The following ZNF541 variants were observed in gnomAD, a reference collection of about 807,000 sequenced individuals.
ZNF541 encodes zinc finger protein 541.
A neutral mutation model predicts 123.5 loss-of-function variants in ZNF541; 23 were observed. That is an observed-to-expected ratio of 0.19 (90% CI 0.13 to 0.26). The LOEUF is 0.26. ZNF541 is among the 10% of genes least tolerant of loss of function. The probability of loss-of-function intolerance (pLI) is 1.00; values close to 1 mark genes in which losing one functional copy is unlikely to be tolerated. For synonymous variants in ZNF541, 751 were observed against 754.5 expected (o/e 1.00, Z 0.08); for missense variants, 1,612 against 1,789.9 (o/e 0.90, Z 1.79).
chr19:47,532,109 G>A lies in ZNF541; in HGVS notation c.3301+19C>T. The A allele has an allele frequency of 1.9e-6, 3 of 1,550,454 alleles. No homozygotes were observed. The highest frequency in any genetic ancestry group is 2.6e-6 in the Non-Finnish European group (3 of 1,146,298). ...GGGAAGAAGGGCCCTTAGGAATTTA[G>A]CCCCAAAGCCTCAGCCACCTCTATC... On this transcript the variant is annotated intron_variant, in intron 11 of 16. Transcript: ENST00000391901.
chr19:47,530,852 T>C (rs1969534445), intron 12 of ZNF541, among the ~76,000 whole-genome samples: 1 of 151,812 alleles, frequency 6.6e-6, no homozygotes, highest in Admixed American at 6.6e-5. Flanking sequence ...GGTTTTACCA[T>C]GTTGTCCAGG....
In ZNF541 at chr19:47,550,258, A is replaced by C. The variant is rs894003612; in HGVS notation, c.308-773T>G. On this transcript the variant is annotated intron_variant, in intron 3 of 16. Coordinates refer to ENST00000391901, the MANE Select transcript of ZNF541 (RefSeq NM_001277075.3). The stretch of plus-strand genomic sequence containing the variant: ...CAGAGTGGGACTCTGTCAAAGAAAA[A>C]GAAAAAGAAAGAAAGAAAGACAGGA... Among the ~76,000 whole-genome samples, 3 of 151,802 alleles carry C rather than the reference A, an allele frequency of 2.0e-5. No individual in the cohort carries two copies. The South Asian group carries it at 6.3e-4, about 32-fold the overall frequency.
chr19:47,521,812 G>A lies in ZNF541; in HGVS notation c.3711+42C>T, dbSNP rs1481607754. On this transcript the variant is annotated intron_variant, in intron 15 of 16. Coordinates refer to ENST00000391901, the MANE Select transcript of ZNF541 (RefSeq NM_001277075.3). The surrounding 1 kb of genome is among the most constrained non-coding windows in gnomAD (Gnocchi z 4.2). ...TCCAACTCAACGGGTAGCAGGCACT[G>A]GGAGGAGAGAAGAGCTCCCGACACA... 6.5e-7 allele frequency: 1 copy of A among 1,543,692 alleles called. No homozygotes were observed. The highest frequency in any genetic ancestry group is 1.2e-5 in the South Asian group (1 of 83,556).
Position 47,555,538 on chromosome 19 carries a change from T to C in ZNF541, c.307+12A>G, listed in dbSNP as rs920334576. ...ATCCTGCAGGGCCCTTCTACCCAGG[T>C]GACAGCCTCACCTTGTAAGGATGCC... On this transcript the variant is annotated intron_variant, in intron 3 of 16. Transcript: ENST00000391901. 18 of 1,524,600 alleles carry C rather than the reference T, an allele frequency of 1.2e-5. No individual in the cohort carries two copies. In the African/African-American group the frequency reaches 2.3e-4, roughly 20 times the overall value. The allele number at this position is 1,524,600 out of a possible 1,614,324, so 94.4% of individuals were successfully genotyped here.
At chr19:47,539,621 TG>T in intron 8 of ZNF541, 83 bp downstream of exon 8, 3 of 1,327,886 alleles carry the variant, frequency 2.3e-6, no homozygotes, top group Non-Finnish European at 9.7e-7. Context: ...AGATTTTCTG[TG>T]GTATCTGGTT....
chr19:47,529,693 G>T (rs746175706), intron 12 of ZNF541, 41 bp from the exon 13 acceptor site: 1 of 1,530,756 alleles, frequency 6.5e-7, no homozygotes, highest in African/African-American at 1.4e-5. Context: ...GACCAGGTGG[G>T]GGAAGAGGAC....
chr19:47,537,788 T>A (rs915032962), intron 9 of ZNF541, among the ~76,000 whole-genome samples: 12 of 150,364 alleles, frequency 8.0e-5, no homozygotes, highest in Non-Finnish European at 1.3e-4. Flanking sequence ...GGCTGGAGGA[T>A]CTCTTGAGAC....
rs187804311 is a variant in ZNF541, at chr19:47,531,591, T to G, written c.3405+51A>C. 85 of 1,441,042 alleles carry G rather than the reference T, an allele frequency of 5.9e-5. 2 individuals are homozygous for G. In the East Asian group the frequency reaches 2.0e-3, roughly 34 times the overall value. 89.3% of individuals were successfully genotyped at this position (1,441,042 alleles called of 1,614,324 possible). On this transcript the variant is annotated intron_variant, in intron 12 of 16. Coordinates refer to ENST00000391901, the MANE Select transcript of ZNF541 (RefSeq NM_001277075.3). ...AAGCAGACAGCACGTCACATGCACC[T>G]AGAACCCTGGGCCCCAGGAAAGCAG...
At chr19:47,561,083 T>C (rs1471062498) in intron 2 of ZNF541, among the ~76,000 whole-genome samples, 2 of 152,128 alleles carry the variant, frequency 1.3e-5, no homozygotes, top group African/African-American at 4.8e-5. Flanking sequence ...AGTTGTGTGG[T>C]TTGTGGGGTG....
chr19:47,545,722 C>G lies in ZNF541; in HGVS notation c.807G>C (p.Leu269=). The G allele has an allele frequency of 6.5e-7, 1 of 1,546,236 alleles. No individual in the cohort carries two copies. Reference sequence around the variant, plus strand: ...TGCGGCGCAGGAGGTCCCGGTGGGGCAGGAGGGAGCCGGGGGACCTGGCCT... The same window carrying G: ...TGCGGCGCAGGAGGTCCCGGTGGGGGAGGAGGGAGCCGGGGGACCTGGCCT... The part of the protein sequence containing the change: ...PPEARSPGSL[L]PHRDLLRRIV... Residue 269 remains leucine, a synonymous_variant, in exon 5 of 17, where the codon CTG becomes CTC. Coordinates refer to ENST00000391901, the MANE Select transcript of ZNF541 (RefSeq NM_001277075.3). This position sits in a 1 kb window ranked among gnomAD's most constrained non-coding sequence, Gnocchi z 7.5.
chr19:47,543,458 C>G (rs1970168097), intron 5 of ZNF541, among the ~76,000 whole-genome samples: 1 of 151,868 alleles, frequency 6.6e-6, no homozygotes. Flanking sequence ...GAAACCAAGA[C>G]TCACAATCAG....
At chr19:47,523,250 G>A (rs947043444) in intron 14 of ZNF541, among the ~76,000 whole-genome samples, 3 of 145,304 alleles carry the variant, frequency 2.1e-5, no homozygotes, top group African/African-American at 7.8e-5. Flanking sequence ...GGCTGGTCTC[G>A]AACTCCTGAC....
At chr19:47,537,235 A>C (rs1236376331) in intron 9 of ZNF541, among the ~76,000 whole-genome samples, 1 of 152,152 alleles carries the variant, frequency 6.6e-6, no homozygotes, top group Non-Finnish European at 1.5e-5. Context: ...TTTGCATGGT[A>C]TGTGAAGTAC....
At position 47,545,837 on chromosome 19, in the gene ZNF541, G is replaced by A. The variant is rs748751439; in HGVS notation, c.692C>T (p.Pro231Leu). 27 of 1,548,068 alleles carry A rather than the reference G, an allele frequency of 1.7e-5. No homozygotes were observed. Among genetic ancestry groups the A allele is most frequent in the South Asian group, 2.4e-5 (2 of 83,894 alleles). ...GGAGTCCCCGCAGGCCTCTTCCTCC[G>A]GGGGGGCTTCCTTCAGGATGCACAG... ...HGLCILKEAP[P>L]EEEACGDSPH... Residue 231 changes from proline to leucine, a missense_variant, in exon 5 of 17, where the codon CCG becomes CTG. By Grantham distance (98) the Pro-to-Leu change is moderately conservative. Around this residue, in one of 5 missense-constraint regions of ZNF541, gnomAD observed 1,080 missense variants for 1,013.8 expected, o/e 1.07. Transcript: ENST00000391901. The surrounding 1 kb of genome is among the most constrained non-coding windows in gnomAD (Gnocchi z 7.5).
rs1446630051 is a variant in ZNF541 at position 47,521,662 on chromosome 19, G to C, written c.3712-8C>G. ...CCGAGGGCTGCATGGGACCTGCAGA[G>C]GGAGCAAAAGTGACATAAGGGTGCT... On this transcript the variant is annotated splice_polypyrimidine_tract_variant and splice_region_variant and intron_variant, in intron 15 of 16. Coordinates refer to ENST00000391901, the MANE Select transcript of ZNF541 (RefSeq NM_001277075.3). This position sits in a 1 kb window ranked among gnomAD's most constrained non-coding sequence, Gnocchi z 4.2. 2.6e-6 allele frequency: 4 copies of C among 1,551,228 alleles called. No individual in the cohort carries two copies. The South Asian group carries it at 3.6e-5, about 14-fold the overall frequency.
intron 2 of ZNF541, among the ~76,000 whole-genome samples, chr19:47,571,135 C>T (rs1328838584): frequency 1.3e-5 from 2 of 149,622 alleles, no homozygotes; most frequent in African/African-American, 2.5e-5. Context: ...TTTTTTGAGA[C>T]GGAGTCTCGC....
At chr19:47,531,554 C>T in intron 12 of ZNF541, 88 bp downstream of exon 12, 1 of 1,077,632 alleles carries the variant, frequency 9.3e-7, no homozygotes, top group Non-Finnish European at 1.3e-6. Flanking sequence ...CTTCCATCCG[C>T]TCTGAACCCC....
intron 9 of ZNF541, among the ~76,000 whole-genome samples, chr19:47,537,095 T>C (rs1469981599): frequency 6.6e-6 from 1 of 152,144 alleles, no homozygotes; most frequent in Non-Finnish European, 1.5e-5. Context: ...TGTGGGGATA[T>C]GGGCGGAGTC....
intron 2 of ZNF541, among the ~76,000 whole-genome samples, chr19:47,571,558 G>A (rs1971477944): frequency 6.6e-6 from 1 of 152,164 alleles, no homozygotes; most frequent in Non-Finnish European, 1.5e-5. Context: ...CACTTAGATG[G>A]GACATACAAT....
Sources: allele counts gnomAD v4.1 joint callset (sites outside exome capture counted in the v4.1 genomes callset), GRCh38; gene constraint gnomAD v4.1.1; regional missense constraint gnomAD v4.1.1; non-coding constraint Gnocchi (gnomAD v3.1); transcripts MANE v1.5; gene names NCBI Gene and HGNC (gene_info 2026-07-23, HGNC 2026-07-21).